The following MIGA1 variants were observed in gnomAD, a reference collection of about 807,000 sequenced individuals.
The protein encoded by MIGA1 is family with sequence similarity 73, member A.
A neutral mutation model predicts 82.0 loss-of-function variants in MIGA1; 58 were observed. That is an observed-to-expected ratio of 0.71 (90% CI 0.57 to 0.88). The LOEUF is 0.88. Among genes scored for constraint, MIGA1 ranks in the 40% least tolerant of loss-of-function variants. MIGA1 has a pLI of 0.00. For missense variants in MIGA1, 751 were observed against 749.1 expected, an observed-to-expected ratio of 1.00 and a Z score of -0.03; for synonymous variants, 249 against 253.6, an observed-to-expected ratio of 0.98 and a Z score of 0.17.
chr1:77,825,524 AC>A (rs202132698), intron 7 of MIGA1, among the ~76,000 whole-genome samples: 2,484 of 152,306 alleles, frequency 0.016, 28 homozygotes, highest in Middle Eastern at 0.027. Flanking sequence ...TACTTGTAGC[AC>A]TGGGAGTTAA....
At chr1:77,825,921 G>T (rs1684012548) in intron 7 of MIGA1, among the ~76,000 whole-genome samples, 1 of 152,108 alleles carries the variant, frequency 6.6e-6, no homozygotes, top group African/African-American at 2.4e-5. Context: ...CCTTGACTTT[G>T]CTTAGACTCA....
At chr1:77,812,290 G>A (rs1033093935) in intron 5 of MIGA1, among the ~76,000 whole-genome samples, 1 of 152,156 alleles carries the variant, frequency 6.6e-6, no homozygotes, top group Non-Finnish European at 1.5e-5. Flanking sequence ...CCAGCATGGT[G>A]AAACCCCATC....
At chr1:77,867,754 A>G (rs1283443701) in intron 14 of MIGA1, among the ~76,000 whole-genome samples, 1 of 152,188 alleles carries the variant, frequency 6.6e-6, no homozygotes, top group Non-Finnish European at 1.5e-5. Context: ...TATCATATCC[A>G]TATTTTTCAA....
chr1:77,845,847 C>T (rs1458233099), intron 8 of MIGA1, among the ~76,000 whole-genome samples: 2 of 151,680 alleles, frequency 1.3e-5, no homozygotes, highest in African/African-American at 4.8e-5. Context: ...TTTCTGGTAT[C>T]GGTTTTTCTA....
At chr1:77,870,563 G>C (rs911047450) in intron 14 of MIGA1, among the ~76,000 whole-genome samples, 2 of 140,124 alleles carry the variant, frequency 1.4e-5, no homozygotes, top group African/African-American at 2.6e-5. Flanking sequence ...TCCTAGATGG[G>C]ATGGCGGCCG....
chr1:77,823,464 A>G lies in MIGA1; in HGVS notation c.895+8233A>G, dbSNP rs559358827. Among the ~76,000 whole-genome samples the G allele has an allele frequency of 1.6e-4, 24 of 152,324 alleles. No individual in the cohort carries two copies. The South Asian group carries it at 3.5e-3, about 22-fold the overall frequency. ...TAAAGGAGTTAAAAATACACTGTGG[A>G]TGGTGTTAAGCTAAGCTTAAGTAAG... is the stretch of plus-strand genomic sequence containing the variant. On this transcript the variant is annotated intron_variant, in intron 7 of 15. Transcript: ENST00000370791.
chr1:77,866,224 T>C (rs1685660661), intron 13 of MIGA1, 114 bp from the exon 14 acceptor site: 2 of 946,600 alleles, frequency 2.1e-6, no homozygotes, highest in Non-Finnish European at 3.3e-6. Flanking sequence ...CGACTAGTTC[T>C]TATTAGTAAT....
chr1:77,863,038 T>G (rs1185455690), intron 12 of MIGA1, among the ~76,000 whole-genome samples: 2 of 152,164 alleles, frequency 1.3e-5, no homozygotes, highest in South Asian at 2.1e-4. Flanking sequence ...AAGACTTAAT[T>G]TTTCCTTTTC....
chr1:77,878,654 A>G lies in MIGA1; in HGVS notation c.*3590A>G. On this transcript the variant is annotated 3_prime_UTR_variant, in exon 16 of 16. Transcript: ENST00000370791. The stretch of plus-strand genomic sequence containing the variant: ...CTTTTTTCTAGAAGAAAGAAGATAA[A>G]TTTTGAGGCAATTTACATTTGGTAT... 3.0e-6 allele frequency: 1 copy of G among 330,442 alleles called. No homozygotes were observed. Among genetic ancestry groups the G allele is most frequent in the Non-Finnish European group, 5.5e-6 (1 of 181,998 alleles). The allele number at this position is 330,442 out of a possible 1,614,324, so 20.5% of individuals were successfully genotyped here.
At chr1:77,809,137 A>C (rs942051987) in intron 5 of MIGA1, among the ~76,000 whole-genome samples, 2 of 151,000 alleles carry the variant, frequency 1.3e-5, no homozygotes, top group African/African-American at 4.9e-5. Flanking sequence ...ACAACAACAA[A>C]AACCTCAGAA....
chr1:77,871,358 TG>T (rs574965974), intron 14 of MIGA1, among the ~76,000 whole-genome samples: 2 of 151,870 alleles, frequency 1.3e-5, no homozygotes, highest in South Asian at 4.2e-4. Flanking sequence ...AAAAATTAGC[TG>T]GGCATGGTGG....
intron 14 of MIGA1, among the ~76,000 whole-genome samples, chr1:77,872,456 C>T (rs1646854073): frequency 6.6e-6 from 1 of 151,904 alleles, no homozygotes; most frequent in Admixed American, 6.6e-5. Context: ...AAAAAATTAG[C>T]CAGGAGGGGT....
intron 7 of MIGA1, among the ~76,000 whole-genome samples, chr1:77,829,932 T>C (rs1684182719): frequency 6.8e-6 from 1 of 147,572 alleles, no homozygotes; most frequent in Admixed American, 6.8e-5. Context: ...GTGTCTTTTC[T>C]GGGCTCTCTA....
intron 1 of MIGA1, among the ~76,000 whole-genome samples, chr1:77,782,211 A>C (rs1681951741): frequency 1.3e-5 from 2 of 152,220 alleles, no homozygotes. Context: ...GCACTACCCA[A>C]ATAAAAGAAA....
chr1:77,803,405 C>A lies in MIGA1; in HGVS notation c.509C>A (p.Ser170Tyr). 1 of 1,478,358 alleles carries A rather than the reference C, an allele frequency of 6.8e-7. No individual in the cohort carries two copies. Among genetic ancestry groups the A allele is most frequent in the Non-Finnish European group, 9.0e-7 (1 of 1,110,554 alleles). 91.6% of individuals were successfully genotyped at this position (1,478,358 alleles called of 1,614,324 possible). The change falls in exon 4 of 16, where the codon TCT becomes TAT. Residue 170 changes from serine (S) to tyrosine (Y), a missense_variant and splice_region_variant. By Grantham distance (144) the Ser-to-Tyr change is moderately radical (BLOSUM62 -2). This residue lies in a region of MIGA1 where 482 missense variants were observed against 439.4 expected (regional missense o/e 1.10). Transcript: ENST00000370791. The stretch of plus-strand genomic sequence containing the variant: ...TCAGGTTCTGCACAGAGTTTGGCCT[C>A]TGTAAGTACAGAAAAAATATTAATT...
chr1:77,806,226 T>C (rs1048498203), intron 4 of MIGA1, among the ~76,000 whole-genome samples: 3 of 152,182 alleles, frequency 2.0e-5, no homozygotes, highest in African/African-American at 7.2e-5. Context: ...ATGTAGGCAA[T>C]TGAAACACAA....
At chr1:77,803,948 TTAAAGA>T (rs1054386693) in intron 4 of MIGA1, among the ~76,000 whole-genome samples, 4 of 152,138 alleles carry the variant, frequency 2.6e-5, no homozygotes, top group African/African-American at 9.7e-5. Context: ...GGATAAATGC[TTAAAGA>T]TAAAGGTGAT....
At chr1:77,803,617 T>G (rs72685308) in intron 4 of MIGA1, among the ~76,000 whole-genome samples, 1,872 of 152,290 alleles carry the variant, frequency 0.012, 43 homozygotes, top group South Asian at 0.1. Context: ...TGTGGTCTCA[T>G]GGGGTCCTGT....
At chr1:77,818,723 A>G (rs1349925798) in intron 7 of MIGA1, among the ~76,000 whole-genome samples, 2 of 152,060 alleles carry the variant, frequency 1.3e-5, no homozygotes, top group African/African-American at 2.4e-5. Context: ...ACCAGCCTGT[A>G]TAGTTCGAGA....
Sources: allele counts gnomAD v4.1 joint callset (sites outside exome capture counted in the v4.1 genomes callset), GRCh38; gene constraint gnomAD v4.1.1; regional missense constraint gnomAD v4.1.1; transcripts MANE v1.5; gene names NCBI Gene and HGNC (gene_info 2026-07-23, HGNC 2026-07-21).